CAP2: variants seen among roughly 807,000 people sequenced by gnomAD.
CAP2 encodes the protein cyclase associated actin cytoskeleton regulatory protein 2.
In CAP2, 24 loss-of-function variants were observed where a neutral mutation model predicts 57.7. That is an observed-to-expected ratio of 0.42 (90% CI 0.30 to 0.58). CAP2 has a LOEUF of 0.58. Among genes scored for constraint, CAP2 ranks in the 20% least tolerant of loss-of-function variants. The pLI is 0.22. For synonymous variants in CAP2, 194 were observed against 207.2 expected, an observed-to-expected ratio of 0.94 and a Z score of 0.55; for missense variants, 501 against 590.3, an observed-to-expected ratio of 0.85 and a Z score of 1.57.
intron 1 of CAP2, among the ~76,000 whole-genome samples, chr6:17,399,247 G>C (rs1172885988): frequency 6.6e-6 from 1 of 152,114 alleles, no homozygotes; most frequent in Non-Finnish European, 1.5e-5. Flanking sequence ...ACTTTTAGTA[G>C]AGACAGGGTT....
chr6:17,443,012 C>G (rs1011291119), intron 3 of CAP2, among the ~76,000 whole-genome samples: 1 of 151,998 alleles, frequency 6.6e-6, no homozygotes, highest in Non-Finnish European at 1.5e-5. Flanking sequence ...CCACTGGCCC[C>G]GGCTGGCCCC....
rs58337644 is a variant in CAP2 at position 17,533,078 on chromosome 6, C to CAAAAAAA, written c.637-6177_637-6171dup. Among the ~76,000 whole-genome samples, 335 of 87,506 alleles carry CAAAAAAA rather than the reference C, an allele frequency of 3.8e-3. 2 individuals are homozygous for CAAAAAAA. The highest frequency in any genetic ancestry group is 7.2e-3 in the African/African-American group (167 of 23,090). 57.4% of individuals were successfully genotyped at this position (87,506 alleles called of 152,430 possible). A position where few individuals can be genotyped will look rare whatever the true frequency, so the allele number is the denominator to read the frequency against. ...AAAACTCCATCTCAACACCCCCCACCAAAAAAAAAAAAAAAAAAAAGAACT... is the reference window on the plus strand; with the variant it reads ...AAAACTCCATCTCAACACCCCCCACCAAAAAAAAAAAAAAAAAAAAAAAAAAAGAACT... On this transcript the variant is annotated intron_variant, in intron 7 of 12. Transcript: ENST00000229922.
At chr6:17,428,825 C>G (rs1254329834) in intron 3 of CAP2, among the ~76,000 whole-genome samples, 1 of 151,888 alleles carries the variant, frequency 6.6e-6, no homozygotes, top group Non-Finnish European at 1.5e-5. Context: ...TTGCTCCCCT[C>G]CCAATTAGAC....
intron 7 of CAP2, among the ~76,000 whole-genome samples, chr6:17,519,308 C>T (rs1411983068): frequency 6.6e-6 from 1 of 151,576 alleles, no homozygotes; most frequent in Non-Finnish European, 1.5e-5. Context: ...TTGAGACCAG[C>T]GATTTGAAGA....
chr6:17,477,827 C>A (rs555284222), intron 4 of CAP2, among the ~76,000 whole-genome samples: 4 of 151,926 alleles, frequency 2.6e-5, no homozygotes, highest in Non-Finnish European at 5.9e-5. Context: ...AAATGTAATC[C>A]TGTCATTTAG....
chr6:17,484,035 T>G (rs1026455921), intron 4 of CAP2, among the ~76,000 whole-genome samples: 1 of 151,970 alleles, frequency 6.6e-6, no homozygotes, highest in African/African-American at 2.4e-5. Flanking sequence ...ACTCCCAAGC[T>G]TATGTCCTTG....
chr6:17,518,841 T>C (rs1762327273), intron 7 of CAP2, among the ~76,000 whole-genome samples: 1 of 152,108 alleles, frequency 6.6e-6, no homozygotes, highest in Non-Finnish European at 1.5e-5. Flanking sequence ...TTTTGCCATG[T>C]TGCCCAGGGT....
At chr6:17,480,533 C>T (rs1761261538) in intron 4 of CAP2, among the ~76,000 whole-genome samples, 1 of 152,064 alleles carries the variant, frequency 6.6e-6, no homozygotes, top group Non-Finnish European at 1.5e-5. Flanking sequence ...TTGGGGGGCC[C>T]TAGGTAGCAG....
chr6:17,439,729 G>A (rs1313847173), intron 3 of CAP2, among the ~76,000 whole-genome samples: 1 of 151,486 alleles, frequency 6.6e-6, no homozygotes, highest in African/African-American at 2.4e-5. Context: ...ATGCTCCTAT[G>A]AGAATCTAAT....
chr6:17,493,124 AT>A (rs1346874550), intron 4 of CAP2, among the ~76,000 whole-genome samples: 2 of 152,166 alleles, frequency 1.3e-5, no homozygotes, highest in African/African-American at 4.8e-5. Context: ...TTTATTTCCG[AT>A]TTACCCAGAT....
At chr6:17,458,071 A>G (rs1376401694) in intron 3 of CAP2, among the ~76,000 whole-genome samples, 1 of 152,214 alleles carries the variant, frequency 6.6e-6, no homozygotes, top group Non-Finnish European at 1.5e-5. Flanking sequence ...TTATTTGGAA[A>G]TGTGGTCATT....
At chr6:17,508,755 C>CTTTTT (rs10635657) in intron 6 of CAP2, among the ~76,000 whole-genome samples, 1 of 145,082 alleles carries the variant, frequency 6.9e-6, no homozygotes, top group East Asian at 2.0e-4. Flanking sequence ...AATTCACCTT[C>CTTTTT]TTTTTTTTTT....
chr6:17,446,758 A>G (rs1428534339), intron 3 of CAP2, among the ~76,000 whole-genome samples: 1 of 152,264 alleles, frequency 6.6e-6, no homozygotes, highest in Non-Finnish European at 1.5e-5. Context: ...AATGCTTGGA[A>G]TCAAGATACT....
At chr6:17,544,282 C>T (rs1046879844) in intron 11 of CAP2, among the ~76,000 whole-genome samples, 5 of 152,128 alleles carry the variant, frequency 3.3e-5, no homozygotes, top group African/African-American at 1.2e-4. Context: ...CTGTGAGACT[C>T]TCCTAGTATG....
chr6:17,487,655 A>G (rs990238780), intron 4 of CAP2, among the ~76,000 whole-genome samples: 6 of 152,150 alleles, frequency 3.9e-5, no homozygotes, highest in African/African-American at 1.4e-4. Context: ...TTTTCAGTAG[A>G]GACGGGGGTT....
chr6:17,491,985 T>C (rs780970620), intron 4 of CAP2, among the ~76,000 whole-genome samples: 1 of 152,220 alleles, frequency 6.6e-6, no homozygotes, highest in Non-Finnish European at 1.5e-5. Context: ...TAAATCCCAT[T>C]GTCTATCCAG....
intron 3 of CAP2, among the ~76,000 whole-genome samples, chr6:17,434,695 G>C (rs752757168): frequency 4.6e-5 from 7 of 152,106 alleles, no homozygotes; most frequent in African/African-American, 9.7e-5. Context: ...TCCTTCCAGT[G>C]TTTGTTTTTG....
chr6:17,539,234 A>G (rs1762843382), intron 7 of CAP2, 35 bp from the exon 8 acceptor site: 2 of 1,571,386 alleles, frequency 1.3e-6, no homozygotes, highest in Admixed American at 1.9e-5. Flanking sequence ...GCGCAGTCTC[A>G]ATGCAATGCA....
chr6:17,452,937 TA>T (rs924763826), intron 3 of CAP2, among the ~76,000 whole-genome samples: 126 of 151,966 alleles, frequency 8.3e-4, no homozygotes, highest in Non-Finnish European at 1.1e-3. Context: ...TTTCTAGTTT[TA>T]AAAAAAAGTG....
Sources: gnomAD v4.1 joint callset for allele counts (sites outside exome capture counted in the v4.1 genomes callset) on GRCh38, gnomAD v4.1.1 for gene constraint, MANE v1.5 for transcripts, NCBI Gene and HGNC (gene_info 2026-07-23, HGNC 2026-07-21) for gene names.